MKLN1: variants seen among roughly 807,000 people sequenced by gnomAD.
The protein encoded by MKLN1 is muskelin 1.
Under a neutral mutation model 99.0 loss-of-function variants are expected in MKLN1, and 18 were observed. That is an observed-to-expected ratio of 0.18 (90% CI 0.13 to 0.27). The LOEUF (loss-of-function observed/expected upper bound fraction) is 0.27, where lower values mean the gene tolerates loss of function less well. MKLN1 is among the 10% of genes least tolerant of loss of function. MKLN1 has a pLI of 1.00. For missense variants in MKLN1, 621 were observed against 875.9 expected (o/e 0.71, Z 3.67); for synonymous variants, 288 against 293.2 (o/e 0.98, Z 0.18).
intron 15 of MKLN1, 25 bp from the exon 16 acceptor site, chr7:131,470,817 A>G: frequency 7.0e-7 from 1 of 1,419,618 alleles, no homozygotes; most frequent in Non-Finnish European, 1.0e-6. Flanking sequence ...AACTCCAGAT[A>G]ATTATCCTTG....
chr7:131,330,113 C>G (rs142345469), intron 1 of MKLN1, among the ~76,000 whole-genome samples: 49 of 152,226 alleles, frequency 3.2e-4, no homozygotes, highest in African/African-American at 1.2e-3. Flanking sequence ...ACTCTTGGCT[C>G]TGAACTTCTA....
chr7:131,347,779 G>A (rs922007210), intron 1 of MKLN1, among the ~76,000 whole-genome samples: 1 of 152,116 alleles, frequency 6.6e-6, no homozygotes, highest in Non-Finnish European at 1.5e-5. Context: ...TGGTTAATCT[G>A]ATGCCTATTA....
intron 3 of MKLN1, among the ~76,000 whole-genome samples, chr7:131,309,140 C>T (rs1202709301): frequency 6.6e-6 from 1 of 152,202 alleles, no homozygotes; most frequent in African/African-American, 2.4e-5. Flanking sequence ...CAATAAACCC[C>T]ATCACTTAAA....
chr7:131,493,768 C>T lies in MKLN1; in HGVS notation c.*6040C>T, dbSNP rs1388444334. ...TTTAAGCTCTTGCTGCAACATAGCTCTGTACCATCTGGGATGCTAGCAGTC... is the reference window on the plus strand; with the variant it reads ...TTTAAGCTCTTGCTGCAACATAGCTTTGTACCATCTGGGATGCTAGCAGTC... On this transcript the variant is annotated 3_prime_UTR_variant, in exon 18 of 18. Coordinates refer to ENST00000352689, the MANE Select transcript of MKLN1 (RefSeq NM_013255.5). The T allele has an allele frequency of 6.6e-6, 1 of 152,204 alleles. No homozygotes were observed. Among genetic ancestry groups the T allele is most frequent in the Non-Finnish European group, 1.5e-5 (1 of 68,030 alleles). 9.4% of individuals were successfully genotyped at this position (152,204 alleles called of 1,614,324 possible).
At chr7:131,152,501 C>CT (rs5887498) in intron 2 of MKLN1, among the ~76,000 whole-genome samples, 77 of 126,230 alleles carry the variant, frequency 6.1e-4, no homozygotes, top group East Asian at 2.7e-3. Context: ...TTCTTTTTTT[C>CT]TTTTTTTTTT....
At chr7:131,416,808 C>G (rs79155902) in intron 8 of MKLN1, among the ~76,000 whole-genome samples, 2,197 of 151,310 alleles carry the variant, frequency 0.015, 47 homozygotes, top group African/African-American at 0.05. Flanking sequence ...ATAGTGAGAC[C>G]CCCATCTCTA....
chr7:131,389,806 G>A (rs1794145185), intron 4 of MKLN1, among the ~76,000 whole-genome samples: 1 of 151,476 alleles, frequency 6.6e-6, no homozygotes, highest in African/African-American at 2.4e-5. Context: ...GGAGAATGCT[G>A]TGAACCCAGG....
Position 131,445,937 on chromosome 7 carries a change from T to G in MKLN1, c.1525+34T>G, listed in dbSNP as rs751278809. 15 of 1,481,724 alleles carry G rather than the reference T, an allele frequency of 1.0e-5. 1 individual carries two copies. In the South Asian group the frequency reaches 2.0e-4, roughly 20 times the overall value. 91.8% of individuals were successfully genotyped at this position (1,481,724 alleles called of 1,614,324 possible). On this transcript the variant is annotated intron_variant, in intron 12 of 17. Coordinates refer to ENST00000352689, the MANE Select transcript of MKLN1 (RefSeq NM_013255.5). ...ATTGAGTGATTTCTTCTCTCATGTCTTAACTACTTTAGGTAGAAAACTGCA... is the reference window on the plus strand; with the variant it reads ...ATTGAGTGATTTCTTCTCTCATGTCGTAACTACTTTAGGTAGAAAACTGCA...
At chr7:131,383,845 A>C (rs955784387) in intron 2 of MKLN1, among the ~76,000 whole-genome samples, 5 of 152,152 alleles carry the variant, frequency 3.3e-5, no homozygotes, top group Admixed American at 2.0e-4. Context: ...ATTTTAGTCC[A>C]AGTCTCCTTC....
At chr7:131,250,348 G>A (rs1797559073) in intron 3 of MKLN1, among the ~76,000 whole-genome samples, 1 of 152,176 alleles carries the variant, frequency 6.6e-6, no homozygotes, top group Non-Finnish European at 1.5e-5. Context: ...CAGTGGAGTT[G>A]GGGACTCCCC....
intron 3 of MKLN1, among the ~76,000 whole-genome samples, chr7:131,247,235 C>CTTTCTTTTT (rs964799766): frequency 3.5e-5 from 5 of 141,172 alleles, no homozygotes; most frequent in Admixed American, 1.4e-4. Flanking sequence ...TTTCTTTTTT[C>CTTTCTTTTT]TTTTTTTTTT....
At chr7:131,211,914 A>G (rs929484341) in intron 3 of MKLN1, among the ~76,000 whole-genome samples, 8 of 152,226 alleles carry the variant, frequency 5.3e-5, no homozygotes, top group Non-Finnish European at 8.8e-5. Context: ...TCATCTCTGT[A>G]AAAGCAAAGA....
chr7:131,335,718 G>A (rs550509210), intron 1 of MKLN1, among the ~76,000 whole-genome samples: 2 of 145,482 alleles, frequency 1.4e-5, no homozygotes, highest in Non-Finnish European at 3.0e-5. Context: ...TTTAACAAAT[G>A]TATTGCTTAC....
chr7:131,466,237 A>T, intron 14 of MKLN1, 39 bp from the exon 15 acceptor site: 1 of 1,503,196 alleles, frequency 6.7e-7, no homozygotes, highest in Non-Finnish European at 9.1e-7. Context: ...TTGGGTATGC[A>T]TGCATTTTTA....
intron 4 of MKLN1, among the ~76,000 whole-genome samples, chr7:131,396,355 G>C (rs935057331): frequency 6.6e-6 from 1 of 152,196 alleles, no homozygotes; most frequent in Non-Finnish European, 1.5e-5. Context: ...TTACAGGCTT[G>C]AGCTACTGCT....
intron 3 of MKLN1, among the ~76,000 whole-genome samples, chr7:131,281,405 C>A (rs1798050595): frequency 6.6e-6 from 1 of 152,062 alleles, no homozygotes; most frequent in Middle Eastern, 3.4e-3. Context: ...TATGTGTATC[C>A]TTATGCCTTA....
intron 3 of MKLN1, chr7:131,242,640 T>G (rs1797422292): frequency 7.1e-6 from 4 of 560,416 alleles, no homozygotes; most frequent in Admixed American, 2.3e-5. Flanking sequence ...TCTGGCTGGA[T>G]GCTATTCTGG....
At chr7:131,137,431 C>T (rs1795665202) in intron 1 of MKLN1, among the ~76,000 whole-genome samples, 1 of 152,152 alleles carries the variant, frequency 6.6e-6, no homozygotes, top group South Asian at 2.1e-4. Flanking sequence ...AGTGATCCAT[C>T]CTGTGACTTG....
chr7:131,153,808 G>A (rs183552441), intron 2 of MKLN1, among the ~76,000 whole-genome samples: 25 of 151,796 alleles, frequency 1.6e-4, no homozygotes, highest in Non-Finnish European at 2.7e-4. Context: ...GATTACAGGC[G>A]TGCACCACCA....
Sources: allele counts gnomAD v4.1 joint callset (sites outside exome capture counted in the v4.1 genomes callset), GRCh38; gene constraint gnomAD v4.1.1; transcripts MANE v1.5; gene names NCBI Gene and HGNC (gene_info 2026-07-23, HGNC 2026-07-21).